The following PDE7B variants were observed in gnomAD, a reference collection of about 807,000 sequenced individuals.
The protein encoded by PDE7B is 3',5'-cyclic-AMP phosphodiesterase 7B.
Under a neutral mutation model 56.2 loss-of-function variants are expected in PDE7B, and 29 were observed. That is an observed-to-expected ratio of 0.52 (90% CI 0.38 to 0.70). PDE7B has a LOEUF of 0.70. PDE7B is among the 30% of genes least tolerant of loss of function. The pLI is 0.00. For synonymous variants in PDE7B, 197 were observed against 196.9 expected, an observed-to-expected ratio of 1.00 and a Z score of 0.00; for missense variants, 490 against 565.0, an observed-to-expected ratio of 0.87 and a Z score of 1.35.
intron 1 of PDE7B, among the ~76,000 whole-genome samples, chr6:135,875,423 A>C (rs1392211821): frequency 6.6e-6 from 1 of 152,070 alleles, no homozygotes; most frequent in African/African-American, 2.4e-5. Context: ...AATATAAATA[A>C]ATTTATGTGT....
intron 1 of PDE7B, among the ~76,000 whole-genome samples, chr6:135,889,090 AG>A (rs1392662896): frequency 6.6e-6 from 1 of 152,190 alleles, no homozygotes; most frequent in Non-Finnish European, 1.5e-5. Context: ...TTGATCTTCC[AG>A]GGGTCATGCC....
intron 2 of PDE7B, chr6:136,035,179 C>G (rs2128209357): frequency 6.6e-6 from 1 of 152,268 alleles, no homozygotes; most frequent in South Asian, 2.1e-4. Context: ...ACAACCCCAC[C>G]CTTTCCCCAC....
intron 2 of PDE7B, among the ~76,000 whole-genome samples, chr6:135,962,696 T>C (rs2128201660): frequency 6.6e-6 from 1 of 152,112 alleles, no homozygotes; most frequent in Admixed American, 6.5e-5. Flanking sequence ...AATAGAGAGG[T>C]GGTTGTGACT....
In PDE7B at chr6:136,035,838, G is replaced by C. The variant is rs114933564; in HGVS notation, c.83-72893G>C. On this transcript the variant is annotated intron_variant, in intron 2 of 12. Coordinates refer to ENST00000308191, the MANE Select transcript of PDE7B (RefSeq NM_018945.4). ...TTTTTTTTAAAAAGTCATTCTTGAA[G>C]AAATGAACAATGAAGTGTTGTGTTC... Among the ~76,000 whole-genome samples the C allele has an allele frequency of 9.9e-3, 1,515 of 152,284 alleles. 21 individuals are homozygous for C. Among genetic ancestry groups the C allele is most frequent in the African/African-American group, 0.034 (1,433 of 41,546 alleles).
chr6:136,141,867 C>G (rs138066206), intron 3 of PDE7B, among the ~76,000 whole-genome samples: 2 of 151,258 alleles, frequency 1.3e-5, no homozygotes, highest in African/African-American at 4.8e-5. Flanking sequence ...ATTCGTCTTG[C>G]GAGCAGTCTA....
chr6:136,023,510 C>T (rs1202948819), intron 2 of PDE7B, among the ~76,000 whole-genome samples: 2 of 152,216 alleles, frequency 1.3e-5, no homozygotes, highest in Non-Finnish European at 2.9e-5. Context: ...CTTCACTCCT[C>T]AACAGAGAGG....
chr6:136,091,716 A>G (rs1201983895), intron 2 of PDE7B, among the ~76,000 whole-genome samples: 1 of 152,246 alleles, frequency 6.6e-6, no homozygotes, highest in African/African-American at 2.4e-5. Flanking sequence ...TTTTGCAACC[A>G]ATGTGCTGTG....
rs535340946 is a variant in PDE7B at position 135,931,878 on chromosome 6, T to C, written c.22-15586T>C. Among the ~76,000 whole-genome samples, 16 of 152,210 alleles carry C rather than the reference T, an allele frequency of 1.1e-4. No individual in the cohort carries two copies. The East Asian group carries it at 2.9e-3, about 28-fold the overall frequency. On this transcript the variant is annotated intron_variant, in intron 1 of 12. Coordinates refer to ENST00000308191, the MANE Select transcript of PDE7B (RefSeq NM_018945.4). ...AAATGTACATTGAACTAAAAATCTTTGTACAATGAGGTGGCGGGAGTGGGG... is the reference window on the plus strand; with the variant it reads ...AAATGTACATTGAACTAAAAATCTTCGTACAATGAGGTGGCGGGAGTGGGG...
rs759938662 is a variant in PDE7B at position 135,914,485 on chromosome 6, C to CTTTTT, written c.22-32957_22-32953dup. On this transcript the variant is annotated intron_variant, in intron 1 of 12. Coordinates refer to ENST00000308191, the MANE Select transcript of PDE7B (RefSeq NM_018945.4). ...CTGGCTTATTTCCCTTTTTATAATG[C>CTTTTT]TTTTTTTTTTTTTTTTTTTTTTTTT... Among the ~76,000 whole-genome samples the CTTTTT allele has an allele frequency of 1.2e-4, 5 of 41,920 alleles. 1 individual carries two copies. The highest frequency in any genetic ancestry group is 7.2e-4 in the African/African-American group (5 of 6,952). The allele number at this position is 41,920 out of a possible 152,430, so 27.5% of individuals were successfully genotyped here. A position where few individuals can be genotyped will look rare whatever the true frequency, so the allele number is the denominator to read the frequency against.
chr6:136,170,705 TGA>T (rs1778864948), intron 8 of PDE7B, among the ~76,000 whole-genome samples: 1 of 152,152 alleles, frequency 6.6e-6, no homozygotes, highest in South Asian at 2.1e-4. Context: ...TGTACCTTGG[TGA>T]GAGTCTTCTT....
chr6:136,075,025 A>G (rs1777108158), intron 2 of PDE7B, among the ~76,000 whole-genome samples: 1 of 152,218 alleles, frequency 6.6e-6, no homozygotes, highest in Admixed American at 6.5e-5. Flanking sequence ...AGATCATTCA[A>G]TTGTTTCCTC....
chr6:135,980,372 C>A (rs1295409807), intron 2 of PDE7B, among the ~76,000 whole-genome samples: 2 of 152,130 alleles, frequency 1.3e-5, no homozygotes, highest in East Asian at 3.9e-4. Flanking sequence ...ATTCAGGACA[C>A]AGGCATGGGC....
At chr6:136,059,667 C>T (rs772733738) in intron 2 of PDE7B, among the ~76,000 whole-genome samples, 24 of 152,222 alleles carry the variant, frequency 1.6e-4, no homozygotes, top group Non-Finnish European at 3.4e-4. Context: ...AACGTAGTAG[C>T]TGCTTGAATA....
At chr6:136,182,340 T>C (rs1207581929) in intron 11 of PDE7B, among the ~76,000 whole-genome samples, 1 of 152,116 alleles carries the variant, frequency 6.6e-6, no homozygotes, top group African/African-American at 2.4e-5. Flanking sequence ...GAAATCAAAA[T>C]CTCAGCTCTA....
At chr6:136,130,551 A>G (rs1374175115) in intron 3 of PDE7B, among the ~76,000 whole-genome samples, 3 of 152,150 alleles carry the variant, frequency 2.0e-5, no homozygotes, top group South Asian at 2.1e-4. Context: ...TTTATACAGT[A>G]TTTTAATTTC....
chr6:136,081,918 T>C (rs78990913), intron 2 of PDE7B, among the ~76,000 whole-genome samples: 1 of 152,164 alleles, frequency 6.6e-6, no homozygotes. Flanking sequence ...AGAGCGTAAA[T>C]AGGAATAACT....
chr6:135,865,615 T>TTGTGTGTGTGTGTG lies in PDE7B; in HGVS notation c.21+13618_21+13631dup, dbSNP rs3037648. Among the ~76,000 whole-genome samples, 180 of 142,362 alleles carry TTGTGTGTGTGTGTG rather than the reference T, an allele frequency of 1.3e-3. 2 individuals are homozygous for TTGTGTGTGTGTGTG. Among genetic ancestry groups the TTGTGTGTGTGTGTG allele is most frequent in the African/African-American group, 4.6e-3 (177 of 38,286 alleles). 93.4% of individuals were successfully genotyped at this position (142,362 alleles called of 152,430 possible). On this transcript the variant is annotated intron_variant, in intron 1 of 12. Coordinates refer to ENST00000308191, the MANE Select transcript of PDE7B (RefSeq NM_018945.4). Reference sequence around the variant, plus strand: ...GTTATTTTTGATGAAGCACTAGGCATTGTGTGTGTGTGTGTGTGTGTGTGT... The same window carrying TTGTGTGTGTGTGTG: ...GTTATTTTTGATGAAGCACTAGGCATTGTGTGTGTGTGTGTGTGTGTGTGTGTGTGTGTGTGTGT...
chr6:136,143,612 T>A lies in PDE7B; in HGVS notation c.167-3739T>A, dbSNP rs537159865. 2.6e-5 allele frequency among the ~76,000 whole-genome samples: 4 copies of A among 152,188 alleles called. No individual in the cohort carries two copies. The East Asian group carries it at 7.7e-4, about 29-fold the overall frequency. The stretch of plus-strand genomic sequence containing the variant: ...CTAATGTTACTATTATTCATTTGAC[T>A]CTAGGTGAAGAAAAATAGGTAAGGA... On this transcript the variant is annotated intron_variant, in intron 3 of 12. Transcript: ENST00000308191.
At chr6:136,009,522 TTGTAGTTCTC>T (rs1407974428) in intron 2 of PDE7B, among the ~76,000 whole-genome samples, 4 of 152,166 alleles carry the variant, frequency 2.6e-5, no homozygotes, top group Non-Finnish European at 4.4e-5. Context: ...GAGCAGTGGT[TTGTAGTTCTC>T]CTTGAAGAGG....
Sources: allele counts gnomAD v4.1 joint callset (sites outside exome capture counted in the v4.1 genomes callset), GRCh38; gene constraint gnomAD v4.1.1; transcripts MANE v1.5; gene names NCBI Gene and HGNC (gene_info 2026-07-23, HGNC 2026-07-21).